MAP3K14: variants seen among roughly 807,000 people sequenced by gnomAD.
MAP3K14 encodes NF-kappa-beta-inducing kinase.
A neutral mutation model predicts 99.2 loss-of-function variants in MAP3K14; 16 were observed. The observed-to-expected ratio is 0.16, with a 90% confidence interval of 0.11 to 0.24. The LOEUF (loss-of-function observed/expected upper bound fraction) is 0.24, where lower values mean the gene tolerates loss of function less well. Among genes scored for constraint, MAP3K14 ranks in the 10% least tolerant of loss-of-function variants. The probability of loss-of-function intolerance (pLI) is 1.00; values close to 1 mark genes in which losing one functional copy is unlikely to be tolerated. For synonymous variants in MAP3K14, 462 were observed against 492.4 expected, an observed-to-expected ratio of 0.94 and a Z score of 0.82; for missense variants, 784 against 1,208.7, an observed-to-expected ratio of 0.65 and a Z score of 5.21.
At chr17:45,271,966 A>G (rs1385760949) in intron 9 of MAP3K14, among the ~76,000 whole-genome samples, 1 of 152,216 alleles carries the variant, frequency 6.6e-6, no homozygotes, top group Non-Finnish European at 1.5e-5. Flanking sequence ...AGATGTGAAC[A>G]GTGGTTTTTT....
intron 9 of MAP3K14, 123 bp downstream of exon 9, chr17:45,273,380 T>C: frequency 1.5e-6 from 1 of 684,546 alleles, no homozygotes; most frequent in Non-Finnish European, 2.6e-6. Context: ...TCCAGGCTGG[T>C]TGCGGGGCTT....
chr17:45,277,144 CTTTTT>C (rs920459283), intron 6 of MAP3K14, among the ~76,000 whole-genome samples: 1 of 151,850 alleles, frequency 6.6e-6, no homozygotes, highest in African/African-American at 2.4e-5. Context: ...GCTTCTTCTT[CTTTTT>C]TTTAATTTTA....
chr17:45,310,200 A>C (rs1475051049), intron 1 of MAP3K14, among the ~76,000 whole-genome samples: 1 of 151,638 alleles, frequency 6.6e-6, no homozygotes, highest in Non-Finnish European at 1.5e-5. Context: ...TGCCCAGCTA[A>C]CTTTTTTGTA....
At chr17:45,306,092 A>G (rs1438127370) in intron 1 of MAP3K14, among the ~76,000 whole-genome samples, 1 of 152,208 alleles carries the variant, frequency 6.6e-6, no homozygotes, top group Non-Finnish European at 1.5e-5. Context: ...GACAGCTATT[A>G]TTATCTGCCA....
intron 3 of MAP3K14, among the ~76,000 whole-genome samples, chr17:45,287,966 G>C (rs2044280588): frequency 6.6e-6 from 1 of 152,188 alleles, no homozygotes; most frequent in Non-Finnish European, 1.5e-5. Context: ...GCTGGCCTCG[G>C]GGCTCATCAC....
chr17:45,287,007 G>A lies in MAP3K14; in HGVS notation c.576C>T (p.Asn192=), dbSNP rs1185347564. ...TCAGAGGCTTGGTGAACTGCGGGGTGTTTCTAACATATGGGGCGCCGAGTG... is the reference window on the plus strand; with the variant it reads ...TCAGAGGCTTGGTGAACTGCGGGGTATTTCTAACATATGGGGCGCCGAGTG... ...ESPLGAPYVR[N]TPQFTKPLKE... is the part of the protein sequence containing the mutation. Residue 192 remains asparagine, a synonymous_variant, in exon 5 of 16, where the codon AAC becomes AAT. Coordinates refer to ENST00000344686, the MANE Select transcript of MAP3K14 (RefSeq NM_003954.5). The A allele has an allele frequency of 6.2e-7, 1 of 1,613,698 alleles. No individual in the cohort carries two copies. The highest frequency in any genetic ancestry group is 8.5e-7 in the Non-Finnish European group (1 of 1,179,730).
intron 6 of MAP3K14, among the ~76,000 whole-genome samples, chr17:45,275,513 AAAAC>A (rs1401909243): frequency 5.9e-5 from 9 of 151,740 alleles, no homozygotes; most frequent in Admixed American, 5.3e-4. Flanking sequence ...AACCCACAAA[AAAAC>A]AAACAAAAAA....
At position 45,267,509 on chromosome 17, in the gene MAP3K14, T is replaced by C; in HGVS notation, c.2223A>G (p.Glu741=). The C allele has an allele frequency of 4.3e-6, 7 of 1,612,790 alleles. No homozygotes were observed. The highest frequency in any genetic ancestry group is 5.9e-6 in the Non-Finnish European group (7 of 1,179,370). Reference sequence around the variant, plus strand: ...GCTCCAGGGAGGACAGAGGTAAGGGTTCCCACATCCCAGACTCCTCCTTGC... The same window carrying C: ...GCTCCAGGGAGGACAGAGGTAAGGGCTCCCACATCCCAGACTCCTCCTTGC... The part of the protein sequence containing the change: ...TLSKEESGMW[E]PLPLSSLEPA... The change falls in exon 12 of 16, where the codon GAA becomes GAG. Residue 741 remains glutamate (E), a synonymous_variant. Coordinates refer to ENST00000344686, the MANE Select transcript of MAP3K14 (RefSeq NM_003954.5). The surrounding 1 kb of genome is among the most constrained non-coding windows in gnomAD (Gnocchi z 5.1).
At chr17:45,290,436 C>G in intron 2 of MAP3K14, 54 bp downstream of exon 2, 5 of 1,602,404 alleles carry the variant, frequency 3.1e-6, no homozygotes, top group Non-Finnish European at 4.3e-6. Flanking sequence ...GCCCAGCTAC[C>G]CACCTGCAGG....
intron 1 of MAP3K14, among the ~76,000 whole-genome samples, chr17:45,310,027 C>CTTTTTTTT (rs59117060): frequency 3.0e-5 from 3 of 98,832 alleles, no homozygotes; most frequent in Non-Finnish European, 3.9e-5. Flanking sequence ...AGGAGTCCAT[C>CTTTTTTTT]TTTTTTTTTT....
chr17:45,299,180 G>A (rs1458935548), intron 1 of MAP3K14, among the ~76,000 whole-genome samples: 3 of 152,240 alleles, frequency 2.0e-5, no homozygotes, highest in African/African-American at 7.2e-5. Context: ...ATTCTCAGAT[G>A]AGTGAGCGGG....
At chr17:45,308,518 T>C (rs1428186075) in intron 1 of MAP3K14, among the ~76,000 whole-genome samples, 1 of 152,146 alleles carries the variant, frequency 6.6e-6, no homozygotes, top group Non-Finnish European at 1.5e-5. Context: ...ATATTTTCTT[T>C]TTTGAGAAGA....
intron 3 of MAP3K14, 70 bp from the exon 4 acceptor site, chr17:45,287,434 G>C (rs1404172831): frequency 2.3e-6 from 3 of 1,329,086 alleles, no homozygotes; most frequent in Non-Finnish European, 2.1e-6. Context: ...CCAGACACTT[G>C]TATCTGGACT....
Position 45,267,434 on chromosome 17 carries a change from C to G in MAP3K14, c.2298G>C (p.Pro766=). 6.2e-7 allele frequency: 1 copy of G among 1,603,564 alleles called. No homozygotes were observed. ...PSSPERKATV[P]EQELQQLEIE... ...TTTCCAGCTGCTGCAGTTCCTGCTC[C>G]GGGACGGTTGCTTTCCGCTCTGGTG... is the stretch of plus-strand genomic sequence containing the variant. Residue 766 remains proline (P), a synonymous_variant, in exon 12 of 16, where the codon CCG becomes CCC. Transcript: ENST00000344686. This position sits in a 1 kb window ranked among gnomAD's most constrained non-coding sequence, Gnocchi z 5.1.
intron 11 of MAP3K14, among the ~76,000 whole-genome samples, 189 bp downstream of exon 11, chr17:45,270,224 C>T (rs1181185651): frequency 5.3e-5 from 8 of 152,174 alleles, no homozygotes; most frequent in African/African-American, 4.8e-5. Context: ...ATCTCCTGAG[C>T]GCTGCCTCTG....
chr17:45,293,578 A>C (rs888408737), intron 1 of MAP3K14, among the ~76,000 whole-genome samples: 1 of 152,196 alleles, frequency 6.6e-6, no homozygotes, highest in African/African-American at 2.4e-5. Flanking sequence ...GGCTGTTGAG[A>C]AGCTGACCCA....
intron 1 of MAP3K14, among the ~76,000 whole-genome samples, chr17:45,309,414 T>G (rs2044455009): frequency 6.6e-6 from 1 of 152,226 alleles, no homozygotes; most frequent in Non-Finnish European, 1.5e-5. Flanking sequence ...GCACCGGGGT[T>G]GACCTGTGAG....
intron 6 of MAP3K14, among the ~76,000 whole-genome samples, chr17:45,281,023 T>C (rs1314914696): frequency 1.3e-5 from 2 of 152,190 alleles, no homozygotes; most frequent in African/African-American, 4.8e-5. Context: ...GAGTTGTATA[T>C]ATGCCAATAA....
At chr17:45,292,812 A>C (rs2044320668) in intron 1 of MAP3K14, among the ~76,000 whole-genome samples, 1 of 152,246 alleles carries the variant, frequency 6.6e-6, no homozygotes, top group Admixed American at 6.5e-5. Flanking sequence ...GAATGCTCAC[A>C]GGGAGCTCGA....
Sources: allele counts gnomAD v4.1 joint callset (sites outside exome capture counted in the v4.1 genomes callset), GRCh38; gene constraint gnomAD v4.1.1; non-coding constraint Gnocchi (gnomAD v3.1); transcripts MANE v1.5; gene names NCBI Gene and HGNC (gene_info 2026-07-23, HGNC 2026-07-21).